The following MTUS2 variants were observed in gnomAD, a reference collection of about 807,000 sequenced individuals.
MTUS2 encodes microtubule-associated tumor suppressor candidate 2.
Under a neutral mutation model 114.1 loss-of-function variants are expected in MTUS2, and 40 were observed. That is an observed-to-expected ratio of 0.35 (90% confidence interval 0.27 to 0.46). The LOEUF (loss-of-function observed/expected upper bound fraction) is 0.46, where lower values mean the gene tolerates loss of function less well. Ranked by LOEUF, MTUS2 falls within the 20% of genes least tolerant of loss-of-function variation. The pLI is 1.00. For synonymous variants in MTUS2, 688 were observed against 672.0 expected (o/e 1.02, Z -0.37); for missense variants, 1,679 against 1,705.4 (o/e 0.98, Z 0.27).
Position 28,852,622 on chromosome 13 carries a change from T to C in MTUS2, c.-243+12772T>C, listed in dbSNP as rs183267501. 3.2e-4 allele frequency among the ~76,000 whole-genome samples: 48 copies of C among 152,244 alleles called. No homozygotes were observed. In the East Asian group the frequency reaches 8.9e-3, roughly 28 times the overall value. ...ACTCATGCCCATAATCCCAGCACTT[T>C]GGGAGGTCGAGGTGGGTGGATCACC... On this transcript the variant is annotated intron_variant, in intron 2 of 15. Transcript: ENST00000612955.
chr13:29,140,453 G>A (rs1892171628), intron 5 of MTUS2, among the ~76,000 whole-genome samples: 1 of 152,214 alleles, frequency 6.6e-6, no homozygotes, highest in Admixed American at 6.5e-5. Flanking sequence ...CTGTCAGACA[G>A]CATGCCAGCG....
rs186785991 is a variant in MTUS2, at chr13:29,369,230, T to C, written c.3117+9757T>C. On this transcript the variant is annotated intron_variant, in intron 8 of 15. Coordinates refer to ENST00000612955, the MANE Select transcript of MTUS2 (RefSeq NM_001033602.4). ...TCCTGGTTCCTCTATTATCAAACGG[T>C]TTATTTAGCAAAGTTCTGCCTCGTT... Among the ~76,000 whole-genome samples the C allele has an allele frequency of 1.4e-3, 212 of 152,272 alleles. 2 individuals are homozygous for C. Among genetic ancestry groups the C allele is most frequent in the African/African-American group, 4.7e-3 (195 of 41,554 alleles).
intron 5 of MTUS2, among the ~76,000 whole-genome samples, chr13:29,128,373 G>A (rs894036600): frequency 2.0e-5 from 3 of 152,148 alleles, no homozygotes; most frequent in Non-Finnish European, 2.9e-5. Context: ...AGAGGAAACC[G>A]GTTAGGAATC....
At chr13:29,212,136 G>A (rs1383589634) in intron 5 of MTUS2, among the ~76,000 whole-genome samples, 1 of 151,854 alleles carries the variant, frequency 6.6e-6, no homozygotes, top group African/African-American at 2.4e-5. Context: ...TGACACATTG[G>A]GTTTTCATCT....
intron 2 of MTUS2, among the ~76,000 whole-genome samples, chr13:28,896,214 A>G (rs1338438879): frequency 6.6e-6 from 1 of 152,202 alleles, no homozygotes; most frequent in Non-Finnish European, 1.5e-5. Context: ...GAGGCACTCT[A>G]TAATCAATGT....
intron 2 of MTUS2, among the ~76,000 whole-genome samples, chr13:28,931,089 T>C (rs921825808): frequency 1.3e-5 from 2 of 152,220 alleles, no homozygotes; most frequent in African/African-American, 4.8e-5. Context: ...CCCTCTGTTA[T>C]GGAATTCTGT....
chr13:29,262,749 G>T (rs1897525174), intron 5 of MTUS2, among the ~76,000 whole-genome samples: 1 of 152,090 alleles, frequency 6.6e-6, no homozygotes, highest in African/African-American at 2.4e-5. Flanking sequence ...TGCTTGAATT[G>T]TTCATCTGGT....
At chr13:29,158,160 G>A (rs951450793) in intron 5 of MTUS2, among the ~76,000 whole-genome samples, 6 of 152,018 alleles carry the variant, frequency 3.9e-5, no homozygotes, top group African/African-American at 1.4e-4. Context: ...TCCCTCAAAC[G>A]TCTTTGCTTC....
chr13:29,129,892 G>A (rs1891684314), intron 5 of MTUS2, among the ~76,000 whole-genome samples: 1 of 152,090 alleles, frequency 6.6e-6, no homozygotes, highest in Non-Finnish European at 1.5e-5. Context: ...GGTCCATTAA[G>A]GTCAGAACAT....
chr13:29,211,734 G>A (rs1207497433), intron 5 of MTUS2, among the ~76,000 whole-genome samples: 4 of 151,976 alleles, frequency 2.6e-5, no homozygotes, highest in South Asian at 4.2e-4. Context: ...GCTCCCCAGT[G>A]AGGATGTGTG....
chr13:28,840,373 A>C (rs570404563), intron 2 of MTUS2, among the ~76,000 whole-genome samples: 1 of 152,322 alleles, frequency 6.6e-6, no homozygotes, highest in East Asian at 1.9e-4. Context: ...AGCTTAAAAC[A>C]TTTGAGGGAA....
intron 7 of MTUS2, chr13:29,339,970 T>C (rs11147378): frequency 0.27 from 41,447 of 152,310 alleles, 6,324 homozygotes; most frequent in African/African-American, 0.42. Flanking sequence ...CGGGACGTTC[T>C]CTTAGAAATT....
chr13:29,072,247 A>G (rs1888973715), intron 4 of MTUS2: 1 of 152,086 alleles, frequency 6.6e-6, no homozygotes, highest in African/African-American at 2.4e-5. Context: ...GCACTCAGTA[A>G]ATGTTGGTTG....
At chr13:29,177,428 G>T (rs1893819433) in intron 5 of MTUS2, among the ~76,000 whole-genome samples, 2 of 150,622 alleles carry the variant, frequency 1.3e-5, no homozygotes, top group Non-Finnish European at 2.9e-5. Flanking sequence ...CCTAAGGCTA[G>T]ATGGGACATT....
chr13:29,316,737 G>A (rs4372556), intron 6 of MTUS2, among the ~76,000 whole-genome samples: 90,830 of 152,046 alleles, frequency 0.6, 27,745 homozygotes, highest in African/African-American at 0.7. Context: ...TACAAACTCC[G>A]TACCTTCAGT....
At chr13:29,078,346 A>G (rs1475235664) in intron 4 of MTUS2, among the ~76,000 whole-genome samples, 1 of 152,212 alleles carries the variant, frequency 6.6e-6, no homozygotes, top group African/African-American at 2.4e-5. Context: ...AGGACATACA[A>G]TAACAGACCA....
chr13:29,389,697 G>A (rs1167629857), intron 8 of MTUS2, among the ~76,000 whole-genome samples: 4 of 138,724 alleles, frequency 2.9e-5, no homozygotes, highest in African/African-American at 1.1e-4. Flanking sequence ...GTATATATGT[G>A]TATATGTGTA....
intron 5 of MTUS2, among the ~76,000 whole-genome samples, chr13:29,273,880 C>A (rs1897965550): frequency 6.6e-6 from 1 of 152,098 alleles, no homozygotes; most frequent in East Asian, 1.9e-4. Flanking sequence ...GAATAATGTT[C>A]CATGGTATGG....
chr13:29,008,462 A>G (rs888418430), intron 2 of MTUS2, among the ~76,000 whole-genome samples: 2 of 152,008 alleles, frequency 1.3e-5, no homozygotes, highest in East Asian at 1.9e-4. Flanking sequence ...GCCACCACCC[A>G]TTTCCTTTTG....
Sources: allele counts gnomAD v4.1 joint callset (sites outside exome capture counted in the v4.1 genomes callset), GRCh38; gene constraint gnomAD v4.1.1; transcripts MANE v1.5; gene names NCBI Gene and HGNC (gene_info 2026-07-23, HGNC 2026-07-21).